GALNT13: variants seen among roughly 807,000 people sequenced by gnomAD.
The protein encoded by GALNT13 is UDP-GalNAc:polypeptide N-acetylgalactosaminyltransferase 13.
Under a neutral mutation model 64.2 loss-of-function variants are expected in GALNT13, and 28 were observed. The observed-to-expected ratio is 0.44, with a 90% CI of 0.32 to 0.60. The LOEUF (loss-of-function observed/expected upper bound fraction) is 0.60. Ranked by LOEUF, GALNT13 falls within the 20% of genes least tolerant of loss-of-function variation. The probability of loss-of-function intolerance (pLI) is 0.05; values close to 1 mark genes in which losing one functional copy is unlikely to be tolerated. For missense variants in GALNT13, 577 were observed against 669.8 expected (o/e 0.86, Z 1.53); for synonymous variants, 214 against 224.6 (o/e 0.95, Z 0.42).
the GALNT13 span, among the ~76,000 whole-genome samples, chr2:153,438,513 C>A: frequency 6.6e-6 from 1 of 151,754 alleles, no homozygotes; most frequent in Non-Finnish European, 1.5e-5. Flanking sequence ...TTCTTGGAGG[C>A]TTTGTTCATT....
chr2:153,223,201 A>G, the GALNT13 span, among the ~76,000 whole-genome samples: 1 of 152,264 alleles, frequency 6.6e-6, no homozygotes, highest in African/African-American at 2.4e-5. Context: ...AACTGAAAGG[A>G]GAAACAGGCA....
At chr2:153,375,428 G>T in the GALNT13 span, among the ~76,000 whole-genome samples, 3 of 152,072 alleles carry the variant, frequency 2.0e-5, no homozygotes, top group Non-Finnish European at 4.4e-5. Flanking sequence ...TTATTTGTTT[G>T]TATTTCTCAC....
the GALNT13 span, among the ~76,000 whole-genome samples, chr2:153,181,527 G>T: frequency 6.6e-6 from 1 of 150,428 alleles, no homozygotes; most frequent in African/African-American, 2.4e-5. Flanking sequence ...GATCCCTTTG[G>T]TCTAAAGTGT....
At chr2:154,291,760 C>G (rs1011346940) in intron 8 of GALNT13, among the ~76,000 whole-genome samples, 5 of 152,264 alleles carry the variant, frequency 3.3e-5, no homozygotes, top group Non-Finnish European at 5.9e-5. Flanking sequence ...GCACAGCGGC[C>G]TGCTGAAGGG....
rs1689758665 is a variant in GALNT13, at chr2:154,245,959, A to G, written c.834A>G (p.Lys278=). The G allele has an allele frequency of 6.2e-7, 1 of 1,613,232 alleles. No individual in the cohort carries two copies. The highest frequency in any genetic ancestry group is 1.3e-5 in the African/African-American group (1 of 74,902). The change falls in exon 7 of 13, where the codon AAA becomes AAG. Residue 278 remains lysine, a synonymous_variant. Coordinates refer to ENST00000392825, the MANE Select transcript of GALNT13 (RefSeq NM_052917.4). The part of the protein sequence containing the change: ...PVPQREMDRR[K]GDRTLPVRTP... The stretch of plus-strand genomic sequence containing the variant: ...CCCAAAGAGAAATGGACAGGAGGAA[A>G]GGAGACAGAACATTACCTGTCAGGT...
rs552835326 is a variant in GALNT13 at position 154,295,327 on chromosome 2, C to T, written c.976-6082C>T. Among the ~76,000 whole-genome samples, 396 of 113,834 alleles carry T rather than the reference C, an allele frequency of 3.5e-3. 2 individuals carry two copies. The highest frequency in any genetic ancestry group is 9.5e-3 in the African/African-American group (330 of 34,568). 74.7% of individuals were successfully genotyped at this position (113,834 alleles called of 152,430 possible). On this transcript the variant is annotated intron_variant, in intron 8 of 12. Coordinates refer to ENST00000392825, the MANE Select transcript of GALNT13 (RefSeq NM_052917.4). ...ATTTTATAGCTTTGTAATCACTTCT[C>T]GTTATTGAAAATTCTTTTTATTTTA... is the stretch of plus-strand genomic sequence containing the variant.
chr2:153,726,864 C>T, the GALNT13 span, among the ~76,000 whole-genome samples: 1,054 of 148,166 alleles, frequency 7.1e-3, 8 homozygotes, highest in South Asian at 0.017. Flanking sequence ...GGTGTGAACC[C>T]GGAAGACAGA....
the GALNT13 span, among the ~76,000 whole-genome samples, chr2:153,320,188 A>G: frequency 6.6e-6 from 1 of 152,188 alleles, no homozygotes; most frequent in Admixed American, 6.6e-5. Flanking sequence ...GGAAAAAGTG[A>G]CACTTTTCTT....
the GALNT13 span, among the ~76,000 whole-genome samples, chr2:153,640,833 G>A: frequency 3.3e-5 from 5 of 152,090 alleles, no homozygotes; most frequent in Non-Finnish European, 7.4e-5. Flanking sequence ...TACACATTGG[G>A]AAATAGTAGA....
chr2:153,216,786 A>G, the GALNT13 span, among the ~76,000 whole-genome samples: 2 of 151,978 alleles, frequency 1.3e-5, no homozygotes. Flanking sequence ...CTTTCATGGA[A>G]AAAAGGTTTT....
intron 9 of GALNT13, among the ~76,000 whole-genome samples, chr2:154,370,132 T>C (rs707039): frequency 0.34 from 51,890 of 151,814 alleles, 9,155 homozygotes; most frequent in African/African-American, 0.42. Flanking sequence ...TTTCAACATA[T>C]GAAGTTTAGG....
chr2:154,255,368 T>C (rs1690314812), intron 7 of GALNT13, among the ~76,000 whole-genome samples: 1 of 152,112 alleles, frequency 6.6e-6, no homozygotes, highest in African/African-American at 2.4e-5. Flanking sequence ...GGGAAGGGAA[T>C]AGAAAATATA....
chr2:153,186,038 G>T, the GALNT13 span, among the ~76,000 whole-genome samples: 32 of 152,168 alleles, frequency 2.1e-4, no homozygotes, highest in Admixed American at 4.6e-4. Flanking sequence ...TCGGTGATCT[G>T]TCTAGTATTG....
chr2:153,654,175 A>C, the GALNT13 span, among the ~76,000 whole-genome samples: 1 of 152,148 alleles, frequency 6.6e-6, no homozygotes. Flanking sequence ...TCCAAATCCT[A>C]AAGAAATGCA....
chr2:153,218,095 A>G, the GALNT13 span, among the ~76,000 whole-genome samples: 1 of 152,112 alleles, frequency 6.6e-6, no homozygotes, highest in African/African-American at 2.4e-5. Context: ...TGTGTTTAGG[A>G]TGGGAGCCAG....
At chr2:153,850,352 A>G in the GALNT13 span, among the ~76,000 whole-genome samples, 1 of 152,178 alleles carries the variant, frequency 6.6e-6, no homozygotes, top group Non-Finnish European at 1.5e-5. Flanking sequence ...AGAAAACCCT[A>G]AAATAAAGAC....
chr2:153,338,374 A>G, the GALNT13 span, among the ~76,000 whole-genome samples: 1 of 152,322 alleles, frequency 6.6e-6, no homozygotes, highest in East Asian at 1.9e-4. Context: ...TTATTAATTG[A>G]TGATTATACA....
At chr2:153,818,861 T>G in the GALNT13 span, among the ~76,000 whole-genome samples, 2 of 152,048 alleles carry the variant, frequency 1.3e-5, no homozygotes, top group African/African-American at 2.4e-5. Context: ...TAATATTCCC[T>G]CAGGAGGCTC....
chr2:153,255,818 G>A, the GALNT13 span, among the ~76,000 whole-genome samples: 1 of 152,206 alleles, frequency 6.6e-6, no homozygotes, highest in Admixed American at 6.5e-5. Context: ...GGCTGGTAGA[G>A]TTTCTGCTGA....
Sources: gnomAD v4.1 joint callset for allele counts (sites outside exome capture counted in the v4.1 genomes callset) on GRCh38, gnomAD v4.1.1 for gene constraint, MANE v1.5 for transcripts, NCBI Gene and HGNC (gene_info 2026-07-23, HGNC 2026-07-21) for gene names.